PDE1C: variants seen among roughly 807,000 people sequenced by gnomAD.
PDE1C encodes phosphodiesterase 1C.
A neutral mutation model predicts 93.1 loss-of-function variants in PDE1C; 62 were observed. The ratio of observed to expected loss-of-function variants is 0.67; its 90% CI spans 0.54 to 0.82. The LOEUF (loss-of-function observed/expected upper bound fraction) is 0.82, where lower values mean the gene tolerates loss of function less well. Ranked by LOEUF, PDE1C falls within the 40% of genes least tolerant of loss-of-function variation. The pLI, the probability that PDE1C is intolerant of heterozygous loss-of-function variation, is 0.00. For synonymous variants in PDE1C, 325 were observed against 310.1 expected, an observed-to-expected ratio of 1.05 and a Z score of -0.50; for missense variants, 742 against 884.6, an observed-to-expected ratio of 0.84 and a Z score of 2.04.
chr7:32,373,584 C>T (rs927728936), intron 1 of PDE1C, among the ~76,000 whole-genome samples: 11 of 152,178 alleles, frequency 7.2e-5, no homozygotes, highest in African/African-American at 2.2e-4. Flanking sequence ...TTCGCCAAAA[C>T]CATTGAATTG....
the PDE1C span, among the ~76,000 whole-genome samples, chr7:31,675,100 C>T: frequency 6.6e-6 from 1 of 152,180 alleles, no homozygotes; most frequent in Admixed American, 6.5e-5. Flanking sequence ...GTGGAGGGGG[C>T]AGGTGCACTG....
intron 17 of PDE1C, among the ~76,000 whole-genome samples, chr7:31,763,554 G>T (rs1464946502): frequency 6.6e-6 from 1 of 152,160 alleles, no homozygotes; most frequent in Non-Finnish European, 1.5e-5. Context: ...TCAGGGTTTG[G>T]TTTTCTTTCT....
chr7:32,181,821 G>C (rs1803456753), intron 2 of PDE1C, among the ~76,000 whole-genome samples: 1 of 152,276 alleles, frequency 6.6e-6, no homozygotes, highest in East Asian at 1.9e-4. Flanking sequence ...GAAGGAAATA[G>C]AGACACAAAA....
chr7:31,897,994 CTAAG>C (rs1190006522), intron 2 of PDE1C, among the ~76,000 whole-genome samples: 1 of 150,962 alleles, frequency 6.6e-6, no homozygotes, highest in Admixed American at 6.6e-5. Context: ...CTAACACTTC[CTAAG>C]TAACAGAAGG....
At chr7:31,652,636 C>A in the PDE1C span, 6 of 1,613,786 alleles carry the variant, frequency 3.7e-6, no homozygotes, top group Non-Finnish European at 5.1e-6. Context: ...GGCATGGCCC[C>A]GAGGACTGTG....
At chr7:31,837,141 AATG>A in intron 11 of PDE1C, 36 bp downstream of exon 11, 4 of 1,594,604 alleles carry the variant, frequency 2.5e-6, no homozygotes, top group Non-Finnish European at 3.4e-6. Context: ...TAAAATATCC[AATG>A]ATGACAGTCC....
intron 1 of PDE1C, among the ~76,000 whole-genome samples, chr7:32,422,232 A>AC (rs1785446183): frequency 6.6e-6 from 1 of 152,158 alleles, no homozygotes; most frequent in Non-Finnish European, 1.5e-5. Flanking sequence ...AGGTGCTACA[A>AC]ATGTTGAAGG....
chr7:31,651,107 G>C, the PDE1C span: 1 of 1,602,130 alleles, frequency 6.2e-7, no homozygotes, highest in Non-Finnish European at 8.5e-7. Context: ...GGATCAGAGA[G>C]GACTTTCTTC....
At chr7:32,324,496 A>C (rs1279637820) in intron 1 of PDE1C, among the ~76,000 whole-genome samples, 1 of 152,214 alleles carries the variant, frequency 6.6e-6, no homozygotes, top group Non-Finnish European at 1.5e-5. Flanking sequence ...CTTGGTGTCA[A>C]TCTGTCTGCA....
chr7:31,864,829 C>G, intron 7 of PDE1C, 113 bp downstream of exon 7: 2 of 983,048 alleles, frequency 2.0e-6, no homozygotes, highest in Non-Finnish European at 3.1e-6. Flanking sequence ...AACAGGAAGT[C>G]CATAAAACAA....
At chr7:32,365,324 C>T (rs1475281890) in intron 1 of PDE1C, among the ~76,000 whole-genome samples, 1 of 152,178 alleles carries the variant, frequency 6.6e-6, no homozygotes, top group African/African-American at 2.4e-5. Context: ...CTGTAGGCCA[C>T]CTCCAGCAGA....
At chr7:32,294,324 C>T (rs766353047) in intron 1 of PDE1C, among the ~76,000 whole-genome samples, 12 of 152,208 alleles carry the variant, frequency 7.9e-5, no homozygotes, top group Non-Finnish European at 1.6e-4. Flanking sequence ...CTCTTCAGTA[C>T]AGGCCTAGAA....
At chr7:32,236,318 A>G (rs912712722) in intron 1 of PDE1C, among the ~76,000 whole-genome samples, 35 of 152,316 alleles carry the variant, frequency 2.3e-4, no homozygotes, top group African/African-American at 6.7e-4. Context: ...GATTGCATCA[A>G]AATTTAAGAT....
the PDE1C span, among the ~76,000 whole-genome samples, chr7:31,662,418 G>T: frequency 6.6e-6 from 1 of 152,132 alleles, no homozygotes; most frequent in Non-Finnish European, 1.5e-5. Context: ...GAATCTCAGT[G>T]CCTGGAAAAA....
intron 3 of PDE1C, among the ~76,000 whole-genome samples, chr7:32,091,521 G>A (rs563745567): frequency 6.6e-6 from 1 of 152,278 alleles, no homozygotes; most frequent in South Asian, 2.1e-4. Context: ...GTGAGCAAGT[G>A]AGCAGAAGAG....
chr7:32,330,492 A>G (rs938986568), intron 1 of PDE1C, among the ~76,000 whole-genome samples: 26 of 152,244 alleles, frequency 1.7e-4, no homozygotes, highest in African/African-American at 6.0e-4. Context: ...ACAGAGTTAT[A>G]TTACTACTTA....
intron 2 of PDE1C, among the ~76,000 whole-genome samples, chr7:31,936,230 A>G (rs1370800445): frequency 6.6e-6 from 1 of 152,198 alleles, no homozygotes; most frequent in Non-Finnish European, 1.5e-5. Flanking sequence ...GGAATGGTCC[A>G]TAAAACCTAT....
intron 1 of PDE1C, among the ~76,000 whole-genome samples, chr7:32,334,865 T>G (rs935429745): frequency 7.9e-5 from 12 of 152,194 alleles, no homozygotes; most frequent in African/African-American, 2.9e-4. Flanking sequence ...GTGGGAGATA[T>G]GCATTTCTTT....
chr7:31,621,157 A>G, the PDE1C span, among the ~76,000 whole-genome samples: 1 of 150,912 alleles, frequency 6.6e-6, no homozygotes, highest in Non-Finnish European at 1.5e-5. Flanking sequence ...TGATGGGGAG[A>G]ATGGAACCAA....
Sources: allele counts gnomAD v4.1 joint callset (sites outside exome capture counted in the v4.1 genomes callset), GRCh38; gene constraint gnomAD v4.1.1; transcripts MANE v1.5; gene names NCBI Gene and HGNC (gene_info 2026-07-23, HGNC 2026-07-21).